Variants in CREB3L2 observed in about 807,000 individuals in gnomAD.
CREB3L2 encodes the protein cAMP responsive element binding protein 3 like 2, also known as cyclic AMP-responsive element-binding protein 3-like protein 2.
A neutral mutation model predicts 57.2 loss-of-function variants in CREB3L2; 23 were observed. The observed-to-expected ratio is 0.40, with a 90% CI of 0.29 to 0.57. The LOEUF (loss-of-function observed/expected upper bound fraction) is 0.57, where lower values mean the gene tolerates loss of function less well. Among genes scored for constraint, CREB3L2 ranks in the 20% least tolerant of loss-of-function variants. CREB3L2 has a pLI of 0.42. For synonymous variants in CREB3L2, 268 were observed against 265.1 expected, an observed-to-expected ratio of 1.01 and a Z score of -0.11; for missense variants, 628 against 634.7, an observed-to-expected ratio of 0.99 and a Z score of 0.11.
chr7:137,876,248 T>C lies in CREB3L2; in HGVS notation c.*4228A>G, dbSNP rs114295063. 2.8e-3 allele frequency: 637 copies of C among 227,182 alleles called. 4 individuals are homozygous for C. The highest frequency in any genetic ancestry group is 0.015 in the African/African-American group (597 of 40,400). 14.1% of individuals were successfully genotyped at this position (227,182 alleles called of 1,614,324 possible). On this transcript the variant is annotated 3_prime_UTR_variant, in exon 12 of 12. Transcript: ENST00000330387. ...AAAGAATATATACAAAATCTCCCAGTGACGAGGGATTCCTCAGTCATCCTG... is the reference window on the plus strand; with the variant it reads ...AAAGAATATATACAAAATCTCCCAGCGACGAGGGATTCCTCAGTCATCCTG...
At chr7:137,914,589 C>T (rs557242330) in intron 3 of CREB3L2, among the ~76,000 whole-genome samples, 7 of 152,260 alleles carry the variant, frequency 4.6e-5, no homozygotes, top group Admixed American at 3.3e-4. Context: ...TGACATCATG[C>T]CACTGCACTC....
rs56200577 is a variant in CREB3L2 at position 137,901,334 on chromosome 7, C to G, written c.1043+20G>C. The G allele has an allele frequency of 2.0e-6, 3 of 1,470,100 alleles. No homozygotes were observed. In the South Asian group the frequency reaches 3.4e-5, roughly 17 times the overall value. 91.1% of individuals were successfully genotyped at this position (1,470,100 alleles called of 1,614,324 possible). A position where few individuals can be genotyped will look rare whatever the true frequency, so the allele number is the denominator to read the frequency against. The stretch of plus-strand genomic sequence containing the variant: ...TCTTCCATTGGTAGCGCAATCAGCT[C>G]TCAGTCCAGTGACACTTACCTATTA... On this transcript the variant is annotated intron_variant, in intron 8 of 11. Transcript: ENST00000330387.
chr7:137,964,848 T>C (rs1213582114), intron 1 of CREB3L2, among the ~76,000 whole-genome samples: 2 of 152,164 alleles, frequency 1.3e-5, no homozygotes, highest in Non-Finnish European at 2.9e-5. Context: ...TCACCCATAC[T>C]GTTCTCATGG....
chr7:137,943,791 GC>G (rs556204158), intron 1 of CREB3L2, among the ~76,000 whole-genome samples: 19 of 152,238 alleles, frequency 1.2e-4, no homozygotes, highest in South Asian at 4.2e-4. Flanking sequence ...ACATTCCAGG[GC>G]CCCTGGGCAC....
intron 1 of CREB3L2, among the ~76,000 whole-genome samples, chr7:137,953,944 T>G (rs1456058563): frequency 6.6e-6 from 1 of 152,180 alleles, no homozygotes; most frequent in Non-Finnish European, 1.5e-5. Context: ...AGCAGGGGTG[T>G]GTGAGCTGTA....
intron 6 of CREB3L2, among the ~76,000 whole-genome samples, chr7:137,905,440 A>C (rs1585610785): frequency 6.7e-6 from 1 of 149,470 alleles, no homozygotes; most frequent in Non-Finnish European, 1.5e-5. Flanking sequence ...GCTTCCTCCC[A>C]CCCGTAAATG....
At chr7:137,914,898 T>TC (rs1450859447) in intron 3 of CREB3L2, among the ~76,000 whole-genome samples, 1 of 152,208 alleles carries the variant, frequency 6.6e-6, no homozygotes, top group Non-Finnish European at 1.5e-5. Flanking sequence ...TTTCTTTCTT[T>TC]TTTTTTATTT....
chr7:137,919,585 T>C (rs903243380), intron 2 of CREB3L2, among the ~76,000 whole-genome samples: 3 of 152,210 alleles, frequency 2.0e-5, no homozygotes, highest in Non-Finnish European at 4.4e-5. Context: ...AAGAAAACTT[T>C]CTATGTGGAT....
chr7:137,894,420 G>A (rs913764523), intron 8 of CREB3L2, among the ~76,000 whole-genome samples: 2 of 152,156 alleles, frequency 1.3e-5, no homozygotes, highest in Non-Finnish European at 2.9e-5. Flanking sequence ...ATTGAATCCA[G>A]ACCTGACATA....
At chr7:137,894,763 A>G (rs1412671563) in intron 8 of CREB3L2, among the ~76,000 whole-genome samples, 1 of 152,188 alleles carries the variant, frequency 6.6e-6, no homozygotes, top group African/African-American at 2.4e-5. Context: ...CCTCTAAAAC[A>G]CTGAGTCCAA....
At chr7:137,984,006 G>T (rs73729532) in intron 1 of CREB3L2, among the ~76,000 whole-genome samples, 2 of 152,200 alleles carry the variant, frequency 1.3e-5, no homozygotes, top group East Asian at 1.9e-4. Context: ...GGGATCAGGG[G>T]ATGAGCAGCC....
At chr7:137,900,034 C>T (rs1563244416) in intron 8 of CREB3L2, among the ~76,000 whole-genome samples, 1 of 152,272 alleles carries the variant, frequency 6.6e-6, no homozygotes, top group South Asian at 2.1e-4. Flanking sequence ...CTCTAACACT[C>T]AGGGTGACAG....
intron 1 of CREB3L2, among the ~76,000 whole-genome samples, chr7:137,995,274 A>C (rs1038819455): frequency 6.6e-6 from 1 of 150,794 alleles, no homozygotes; most frequent in Non-Finnish European, 1.5e-5. Context: ...ACCAAGGTCC[A>C]TTGAGGAACT....
chr7:137,958,912 T>G (rs534666989), intron 1 of CREB3L2, among the ~76,000 whole-genome samples: 4 of 152,388 alleles, frequency 2.6e-5, no homozygotes, highest in South Asian at 4.1e-4. Flanking sequence ...ACTTGAGATC[T>G]GTCTGCAACA....
chr7:137,906,000 A>AT, intron 5 of CREB3L2, 152 bp from the exon 6 acceptor site: 1 of 679,514 alleles, frequency 1.5e-6, no homozygotes, highest in Non-Finnish European at 2.4e-6. Context: ...ACAGATGGGT[A>AT]TTTTGAAGGG....
chr7:138,000,671 A>C (rs1441486121), intron 1 of CREB3L2, among the ~76,000 whole-genome samples: 1 of 152,174 alleles, frequency 6.6e-6, no homozygotes, highest in Non-Finnish European at 1.5e-5. Context: ...TTTTCTCATT[A>C]GTGTCCCCCC....
intron 2 of CREB3L2, among the ~76,000 whole-genome samples, chr7:137,917,297 A>G (rs1227743400): frequency 6.6e-6 from 1 of 152,200 alleles, no homozygotes; most frequent in Non-Finnish European, 1.5e-5. Context: ...CTTTGGAGCT[A>G]GCGCTCAGCA....
Position 137,983,757 on chromosome 7 carries a change from C to T in CREB3L2, c.102+17847G>A, listed in dbSNP as rs140675583. ...TCTCCCCTGTGGTTGTTCTGTCCGC[C>T]CTACTAGGCCTTCACTCCTCAGGGG... On this transcript the variant is annotated intron_variant, in intron 1 of 11. Transcript: ENST00000330387. Among the ~76,000 whole-genome samples, 151 of 152,322 alleles carry T rather than the reference C, an allele frequency of 9.9e-4. 3 individuals carry two copies. The highest frequency in any genetic ancestry group is 3.5e-3 in the African/African-American group (144 of 41,562).
intron 1 of CREB3L2, among the ~76,000 whole-genome samples, chr7:137,957,408 A>G (rs1801236963): frequency 6.6e-6 from 1 of 152,216 alleles, no homozygotes; most frequent in Admixed American, 6.5e-5. Context: ...GAAGGCAAAT[A>G]AACACTTGAG....
Sources: gnomAD v4.1 joint callset for allele counts (sites outside exome capture counted in the v4.1 genomes callset) on GRCh38, gnomAD v4.1.1 for gene constraint, MANE v1.5 for transcripts, NCBI Gene and HGNC (gene_info 2026-07-23, HGNC 2026-07-21) for gene names.